Variants in UCMA observed in about 807,000 individuals in gnomAD.
UCMA encodes the protein upper zone of growth plate and cartilage matrix-associated protein.
In UCMA, 21 loss-of-function variants were observed where a neutral mutation model predicts 21.8. That is an observed-to-expected ratio of 0.97 (90% CI 0.68 to 1.39). UCMA has a LOEUF of 1.39. Among genes scored for constraint, UCMA ranks in the 40% most tolerant of loss-of-function variants. The probability of loss-of-function intolerance (pLI) is 0.00; values close to 1 mark genes in which losing one functional copy is unlikely to be tolerated. For synonymous variants in UCMA, 76 were observed against 67.9 expected (o/e 1.12, Z -0.58); for missense variants, 193 against 178.9 (o/e 1.08, Z -0.45).
chr10:13,229,865 C>T (rs1046824385), intron 3 of UCMA, among the ~76,000 whole-genome samples, 156 bp from the exon 4 acceptor site: 5 of 152,080 alleles, frequency 3.3e-5, no homozygotes, highest in African/African-American at 1.2e-4. Context: ...ATGATTTACT[C>T]CTGACACAGA....
chr10:13,230,479 G>A (rs1041681995), intron 3 of UCMA, among the ~76,000 whole-genome samples: 2 of 152,126 alleles, frequency 1.3e-5, no homozygotes, highest in Non-Finnish European at 2.9e-5. Flanking sequence ...CCCCCAACAC[G>A]AGCTTCAACT....
chr10:13,224,546 A>G (rs1288636223), intron 4 of UCMA, among the ~76,000 whole-genome samples: 1 of 152,216 alleles, frequency 6.6e-6, no homozygotes, highest in African/African-American at 2.4e-5. Flanking sequence ...AGATGATGTC[A>G]AGAATTAAAG....
rs746243325 is a variant in UCMA at position 13,233,584 on chromosome 10, G to C, written c.174C>G (p.Leu58=). ...TGGGGGACCGCTTGCCGCGCCTCTT[G>C]AGGAAATTCGAGGCATCTGATTCCT... is the stretch of plus-strand genomic sequence containing the variant. ...FMQESDASNF[L]KRRGKRSPKS... is the part of the protein sequence containing the mutation. The change falls in exon 3 of 5, where the codon CTC becomes CTG. Residue 58 remains leucine (L), a synonymous_variant. Transcript: ENST00000378681. The C allele has an allele frequency of 6.2e-6, 10 of 1,613,988 alleles. No individual in the cohort carries two copies. The highest frequency in any genetic ancestry group is 5.0e-5 in the Admixed American group (3 of 59,980).
At chr10:13,233,910 G>A in intron 1 of UCMA, 110 bp from the exon 2 acceptor site, 1 of 1,383,798 alleles carries the variant, frequency 7.2e-7, no homozygotes, top group Non-Finnish European at 9.8e-7. Context: ...GGCCTGGCAG[G>A]GGGCCCGTGG....
chr10:13,229,467 C>T, intron 4 of UCMA, 144 bp downstream of exon 4: 1 of 674,526 alleles, frequency 1.5e-6, no homozygotes, highest in Non-Finnish European at 2.5e-6. Context: ...GATCACACCA[C>T]TGCATTCCAG....
intron 4 of UCMA, 78 bp downstream of exon 4, chr10:13,229,533 T>A: frequency 7.0e-6 from 9 of 1,291,928 alleles, no homozygotes; most frequent in Admixed American, 2.3e-5. Flanking sequence ...AAAAGTTGGG[T>A]AGAAGAAGAG....
intron 4 of UCMA, among the ~76,000 whole-genome samples, chr10:13,225,662 A>C (rs923915137): frequency 7.8e-6 from 1 of 127,524 alleles, no homozygotes; most frequent in African/African-American, 2.9e-5. Context: ...TGACAGAGCG[A>C]GATTCCATCT....
In UCMA at chr10:13,222,001, T is replaced by C. The variant is rs948114423; in HGVS notation, c.*102A>G. 27 of 1,242,576 alleles carry C rather than the reference T, an allele frequency of 2.2e-5. No individual in the cohort carries two copies. The highest frequency in any genetic ancestry group is 3.8e-5 in the Admixed American group (2 of 53,028). The allele number at this position is 1,242,576 out of a possible 1,614,324, so 77.0% of individuals were successfully genotyped here. A position where few individuals can be genotyped will look rare whatever the true frequency, so the allele number is the denominator to read the frequency against. ...CTGCTGGCCACTGCAGACCCCAAGC[T>C]GAGACCCTCTGAAGGGCCGGTTTGC... is the stretch of plus-strand genomic sequence containing the variant. On this transcript the variant is annotated 3_prime_UTR_variant, in exon 5 of 5. Transcript: ENST00000378681.
Position 13,234,315 on chromosome 10 carries a change from C to A in UCMA, c.-57G>T. ...CACAAGGCAGACCAGGCGTCCTGCACCCTTTGGGTCCCCACTTCTGAGGCA... is the reference window on the plus strand; with the variant it reads ...CACAAGGCAGACCAGGCGTCCTGCAACCTTTGGGTCCCCACTTCTGAGGCA... On this transcript the variant is annotated 5_prime_UTR_variant, in exon 1 of 5. Coordinates refer to ENST00000378681, the MANE Select transcript of UCMA (RefSeq NM_145314.3). The A allele has an allele frequency of 6.3e-7, 1 of 1,578,268 alleles. No homozygotes were observed. Among genetic ancestry groups the A allele is most frequent in the South Asian group, 1.2e-5 (1 of 86,536 alleles).
chr10:13,230,584 C>T (rs929106033), intron 3 of UCMA, among the ~76,000 whole-genome samples: 2 of 152,136 alleles, frequency 1.3e-5, no homozygotes, highest in Admixed American at 6.6e-5. Context: ...TCCCCTCACA[C>T]CAAATGGGGG....
chr10:13,233,713 C>T (rs1276710203), intron 2 of UCMA, 22 bp downstream of exon 2: 8 of 1,614,018 alleles, frequency 5.0e-6, no homozygotes, highest in South Asian at 2.2e-5. Flanking sequence ...TGCCCTGCCC[C>T]GTGGGTGGCC....
chr10:13,231,537 A>T (rs1834899298), intron 3 of UCMA, among the ~76,000 whole-genome samples: 1 of 152,176 alleles, frequency 6.6e-6, no homozygotes, highest in Non-Finnish European at 1.5e-5. Flanking sequence ...GGGTTTAGGA[A>T]GCAGGTACTT....
intron 3 of UCMA, among the ~76,000 whole-genome samples, chr10:13,233,090 C>G (rs538593839): frequency 1.3e-5 from 2 of 152,286 alleles, no homozygotes; most frequent in Non-Finnish European, 2.9e-5. Flanking sequence ...GTGTCCTGTG[C>G]CTTCCCCATG....
intron 3 of UCMA, among the ~76,000 whole-genome samples, chr10:13,230,585 C>A (rs575791801): frequency 6.6e-6 from 1 of 152,214 alleles, no homozygotes; most frequent in South Asian, 2.1e-4. Context: ...CCCCTCACAC[C>A]AAATGGGGGA....
intron 4 of UCMA, among the ~76,000 whole-genome samples, chr10:13,227,343 G>T (rs528601633): frequency 1.3e-5 from 2 of 152,192 alleles, no homozygotes; most frequent in Admixed American, 1.3e-4. Context: ...GGGGCCTCAC[G>T]TCCAAGTTCA....
At position 13,233,804 on chromosome 10, in the gene UCMA, C is replaced by T; in HGVS notation, c.59-4G>A. 6.2e-7 allele frequency: 1 copy of T among 1,613,764 alleles called. No homozygotes were observed. The highest frequency in any genetic ancestry group is 8.5e-7 in the Non-Finnish European group (1 of 1,179,984). On this transcript the variant is annotated splice_region_variant and splice_polypyrimidine_tract_variant and intron_variant, in intron 1 of 4. Coordinates refer to ENST00000378681, the MANE Select transcript of UCMA (RefSeq NM_145314.3). ...ACACTGGTTCCCTCTCTCAGCACTG[C>T]AGGACAAGGGCACAGAGTGAGGCTG...
chr10:13,232,097 T>C (rs765718728), intron 3 of UCMA, among the ~76,000 whole-genome samples: 36 of 152,056 alleles, frequency 2.4e-4, no homozygotes, highest in Non-Finnish European at 4.6e-4. Context: ...GAAGAGGCCA[T>C]GCGCGGTGGC....
chr10:13,226,206 T>C (rs1389308281), intron 4 of UCMA, among the ~76,000 whole-genome samples: 1 of 151,672 alleles, frequency 6.6e-6, no homozygotes, highest in Non-Finnish European at 1.5e-5. Context: ...GGATTTTTTT[T>C]TTTTTTTGAG....
chr10:13,233,742 C>G lies in UCMA; in HGVS notation c.117G>C (p.Ala39=). ...VGTMQMAGEE[A]SEDAKQKIFM... ...GGTGGCCCCTGCACTCACCTTCACT[C>G]GCCTCTTCTCCCGCCATCTGCATGG... Residue 39 remains alanine, a synonymous_variant, in exon 2 of 5, where the codon GCG becomes GCC. Coordinates refer to ENST00000378681, the MANE Select transcript of UCMA (RefSeq NM_145314.3). 1 of 1,614,040 alleles carries G rather than the reference C, an allele frequency of 6.2e-7. No homozygotes were observed. The highest frequency in any genetic ancestry group is 8.5e-7 in the Non-Finnish European group (1 of 1,180,024).
Sources: gnomAD v4.1 joint callset for allele counts (sites outside exome capture counted in the v4.1 genomes callset) on GRCh38, gnomAD v4.1.1 for gene constraint, MANE v1.5 for transcripts, NCBI Gene and HGNC (gene_info 2026-07-23, HGNC 2026-07-21) for gene names.